The following INPP4B variants were observed in gnomAD, a reference collection of about 807,000 sequenced individuals.
INPP4B encodes inositol polyphosphate-4-phosphatase type II B.
Under a neutral mutation model 122.5 loss-of-function variants are expected in INPP4B, and 55 were observed. That is an observed-to-expected ratio of 0.45 (90% CI 0.36 to 0.56). The LOEUF (loss-of-function observed/expected upper bound fraction) is 0.56. Among genes scored for constraint, INPP4B ranks in the 20% least tolerant of loss-of-function variants. INPP4B has a pLI of 0.00. For missense variants in INPP4B, 1,000 were observed against 1,097.7 expected (o/e 0.91, Z 1.26); for synonymous variants, 403 against 388.7 (o/e 1.04, Z -0.43).
At chr4:142,798,133 A>T (rs1254842773) in intron 1 of INPP4B, among the ~76,000 whole-genome samples, 6 of 151,980 alleles carry the variant, frequency 3.9e-5, no homozygotes, top group Non-Finnish European at 5.9e-5. Context: ...ATATTACAAA[A>T]AGGCACCTAT....
At chr4:142,740,165 C>A (rs946264526) in intron 1 of INPP4B, among the ~76,000 whole-genome samples, 1 of 151,908 alleles carries the variant, frequency 6.6e-6, no homozygotes, top group Non-Finnish European at 1.5e-5. Flanking sequence ...AGAAATAATT[C>A]AGCTGAAACA....
chr4:142,456,796 T>G (rs1040450489), intron 3 of INPP4B, among the ~76,000 whole-genome samples: 2 of 151,942 alleles, frequency 1.3e-5, no homozygotes, highest in Non-Finnish European at 2.9e-5. Context: ...TGAATATAAA[T>G]AAATCAAAAT....
chr4:142,293,843 G>A (rs182105688), intron 9 of INPP4B, among the ~76,000 whole-genome samples: 22 of 152,344 alleles, frequency 1.4e-4, no homozygotes, highest in Non-Finnish European at 3.1e-4. Flanking sequence ...CTTTAGGATG[G>A]TATCCTCAGT....
intron 17 of INPP4B, among the ~76,000 whole-genome samples, chr4:142,151,305 CCA>C (rs897473951): frequency 3.8e-4 from 58 of 152,176 alleles, no homozygotes; most frequent in African/African-American, 1.2e-3. Flanking sequence ...ATATCAACAT[CCA>C]CACATCAACA....
Position 142,511,643 on chromosome 4 carries a change from G to GC in INPP4B, c.-190-48918dup, listed in dbSNP as rs1415596030. Among the ~76,000 whole-genome samples, 6 of 152,124 alleles carry GC rather than the reference G, an allele frequency of 3.9e-5. No individual in the cohort carries two copies. The East Asian group carries it at 1.2e-3, about 29-fold the overall frequency. On this transcript the variant is annotated intron_variant, in intron 2 of 25. Coordinates refer to ENST00000262992, the MANE Select transcript of INPP4B (RefSeq NM_001101669.3). ...TTTGAAACACTCCAATCCCCAGACT[G>GC]CCCCCCAGATCAACTAAATCAGAAT...
chr4:142,213,303 A>T (rs1250873914), intron 12 of INPP4B, among the ~76,000 whole-genome samples: 1 of 152,082 alleles, frequency 6.6e-6, no homozygotes, highest in Non-Finnish European at 1.5e-5. Context: ...ACCCCGGAGG[A>T]ATGGTACCAT....
At chr4:142,297,971 T>C (rs116723808) in intron 9 of INPP4B, among the ~76,000 whole-genome samples, 1 of 152,198 alleles carries the variant, frequency 6.6e-6, no homozygotes, top group Admixed American at 6.5e-5. Flanking sequence ...GGGAGTTTAT[T>C]ACTACTTCCA....
rs1364760636 is a variant in INPP4B at position 142,023,781 on chromosome 4, A to G, written c.*5001T>C. On this transcript the variant is annotated 3_prime_UTR_variant, in exon 26 of 26. Transcript: ENST00000262992. ...TTTACTAAAATATATTTTTTTTGGC[A>G]AGATGTGATTTATCAGGCAACATCA... The G allele has an allele frequency of 6.6e-6, 1 of 152,102 alleles. No individual in the cohort carries two copies. Among genetic ancestry groups the G allele is most frequent in the Non-Finnish European group, 1.5e-5 (1 of 67,974 alleles). 9.4% of individuals were successfully genotyped at this position (152,102 alleles called of 1,614,324 possible).
chr4:142,397,278 A>AG (rs1208078062), intron 7 of INPP4B, among the ~76,000 whole-genome samples: 3 of 152,190 alleles, frequency 2.0e-5, no homozygotes, highest in African/African-American at 7.2e-5. Flanking sequence ...GAGCAGGTTG[A>AG]GGGAACCACG....
chr4:142,373,939 G>C (rs542487574), intron 7 of INPP4B, among the ~76,000 whole-genome samples: 1 of 151,690 alleles, frequency 6.6e-6, no homozygotes, highest in Non-Finnish European at 1.5e-5. Context: ...ATAAACTGTC[G>C]TGCATTGAGC....
At chr4:142,398,393 AAAAAAAAAATATATATATATATATATAT>A (rs1463865352) in intron 7 of INPP4B, among the ~76,000 whole-genome samples, 9 of 26,234 alleles carry the variant, frequency 3.4e-4, no homozygotes, top group Non-Finnish European at 6.9e-4. Context: ...AAAAAAAAAA[AAAAAAAAAATATATATATATATATATAT>A]ATATATATAT....
intron 2 of INPP4B, among the ~76,000 whole-genome samples, chr4:142,521,639 C>T (rs1356857501): frequency 6.6e-6 from 1 of 151,982 alleles, no homozygotes; most frequent in African/African-American, 2.4e-5. Flanking sequence ...CTTCTTCCTT[C>T]TTCAGAGATT....
At chr4:142,198,914 A>C (rs923195630) in intron 14 of INPP4B, among the ~76,000 whole-genome samples, 1 of 151,730 alleles carries the variant, frequency 6.6e-6, no homozygotes, top group Non-Finnish European at 1.5e-5. Flanking sequence ...TCTGTTCTTT[A>C]CCCTTGTAAA....
intron 2 of INPP4B, among the ~76,000 whole-genome samples, chr4:142,610,161 G>A (rs931762019): frequency 2.0e-5 from 3 of 152,080 alleles, no homozygotes; most frequent in African/African-American, 7.2e-5. Flanking sequence ...CCTCCATACT[G>A]TTCTCATGGT....
intron 2 of INPP4B, among the ~76,000 whole-genome samples, chr4:142,622,327 T>TA (rs112195146): frequency 0.027 from 3,968 of 144,508 alleles, 69 homozygotes; most frequent in Non-Finnish European, 0.042. Context: ...AAGCTTCCAT[T>TA]AAAAAAAAAA....
intron 25 of INPP4B, among the ~76,000 whole-genome samples, chr4:142,049,442 T>A (rs915306117): frequency 6.6e-6 from 1 of 152,074 alleles, no homozygotes; most frequent in Non-Finnish European, 1.5e-5. Flanking sequence ...AAAGAAGTTA[T>A]GTAATAATTA....
intron 2 of INPP4B, among the ~76,000 whole-genome samples, chr4:142,584,161 A>C (rs753772295): frequency 6.6e-6 from 1 of 152,046 alleles, no homozygotes; most frequent in Admixed American, 6.6e-5. Context: ...CAACATTTTT[A>C]TAAATATATC....
chr4:142,339,124 C>T (rs1485531518), intron 7 of INPP4B, among the ~76,000 whole-genome samples: 8 of 152,142 alleles, frequency 5.3e-5, no homozygotes, highest in Non-Finnish European at 8.8e-5. Context: ...CTCTTCCCTC[C>T]CTTTCCTTTT....
At chr4:142,402,695 C>A (rs568245675) in intron 7 of INPP4B, among the ~76,000 whole-genome samples, 24 of 152,168 alleles carry the variant, frequency 1.6e-4, no homozygotes, top group African/African-American at 5.8e-4. Context: ...AAAATGTAAA[C>A]CAAAAGATCA....
Sources: gnomAD v4.1 joint callset for allele counts (sites outside exome capture counted in the v4.1 genomes callset) on GRCh38, gnomAD v4.1.1 for gene constraint, MANE v1.5 for transcripts, NCBI Gene and HGNC (gene_info 2026-07-23, HGNC 2026-07-21) for gene names.